Variants in TSPAN2 observed in about 807,000 individuals in gnomAD.
TSPAN2 encodes the protein tetraspanin-2.
TSPAN2 carries 24 observed loss-of-function variants against 33.3 expected under a neutral mutation model. The observed-to-expected ratio is 0.72, with a 90% CI of 0.52 to 1.01. TSPAN2 has a LOEUF of 1.01. Among genes scored for constraint, TSPAN2 ranks in the 50% least tolerant of loss-of-function variants. The pLI is 0.00. For synonymous variants in TSPAN2, 114 were observed against 104.5 expected (o/e 1.09, Z -0.56); for missense variants, 278 against 281.3 (o/e 0.99, Z 0.08).
chr1:115,057,462 G>T, intron 6 of TSPAN2, 75 bp downstream of exon 6: 1 of 1,417,172 alleles, frequency 7.1e-7, no homozygotes, highest in Non-Finnish European at 1.0e-6. Context: ...TCCCATCCGA[G>T]ATTCTACCTT....
At chr1:115,053,336 GC>G in intron 7 of TSPAN2, 42 bp downstream of exon 7, 1 of 1,553,686 alleles carries the variant, frequency 6.4e-7, no homozygotes, top group South Asian at 1.1e-5. Context: ...AAGTTTCAAG[GC>G]TTTTTAGAGG....
intron 7 of TSPAN2, 99 bp from the exon 8 acceptor site, chr1:115,050,654 A>C (rs1675290330): frequency 4.5e-6 from 4 of 891,598 alleles, no homozygotes; most frequent in Non-Finnish European, 7.3e-6. Flanking sequence ...TTAACAAATA[A>C]TTATAACCAA....
chr1:115,079,321 T>G (rs1180270592), intron 1 of TSPAN2, among the ~76,000 whole-genome samples: 1 of 152,226 alleles, frequency 6.6e-6, no homozygotes, highest in East Asian at 1.9e-4. Context: ...CATTAAATGC[T>G]TTTAAGCTAA....
At chr1:115,051,135 C>A (rs1179304578) in intron 7 of TSPAN2, among the ~76,000 whole-genome samples, 1 of 151,986 alleles carries the variant, frequency 6.6e-6, no homozygotes, top group Non-Finnish European at 1.5e-5. Flanking sequence ...CATGGTGAAA[C>A]CCTGTCACTA....
At chr1:115,071,204 G>T (rs1015063348) in intron 2 of TSPAN2, among the ~76,000 whole-genome samples, 1 of 152,162 alleles carries the variant, frequency 6.6e-6, no homozygotes, top group Non-Finnish European at 1.5e-5. Context: ...TCCAATCATA[G>T]TAATTCGCTT....
chr1:115,048,600 AG>A lies in TSPAN2; in HGVS notation c.*1889del, dbSNP rs1675225743. On this transcript the variant is annotated 3_prime_UTR_variant, in exon 8 of 8. Coordinates refer to ENST00000369516, the MANE Select transcript of TSPAN2 (RefSeq NM_005725.6). ...AAACTAAACTCACTTTTGTGGAATCAGAGATGATTCTGAGTTGGAAAGAACC... is the reference window on the plus strand; with the variant it reads ...AAACTAAACTCACTTTTGTGGAATCAAGATGATTCTGAGTTGGAAAGAACC... 1 of 152,024 alleles carries A rather than the reference AG, an allele frequency of 6.6e-6. No individual in the cohort carries two copies. The allele number at this position is 152,024 out of a possible 1,614,324, so 9.4% of individuals were successfully genotyped here.
chr1:115,089,316 G>GCCCCCCGC, intron 1 of TSPAN2, 48 bp downstream of exon 1: 1 of 1,012,910 alleles, frequency 9.9e-7, no homozygotes, highest in Non-Finnish European at 1.4e-6. Context: ...CCCCGCGCCC[G>GCCCCCCGC]CCACCCGGCC....
chr1:115,064,916 A>G (rs535896029), intron 2 of TSPAN2, among the ~76,000 whole-genome samples: 6 of 152,334 alleles, frequency 3.9e-5, no homozygotes, highest in Admixed American at 3.3e-4. Flanking sequence ...TCCCCACTGT[A>G]AATGAAACTG....
intron 7 of TSPAN2, among the ~76,000 whole-genome samples, chr1:115,052,891 G>A (rs1647237858): frequency 6.6e-6 from 1 of 152,178 alleles, no homozygotes; most frequent in South Asian, 2.1e-4. Flanking sequence ...CGAGGAAATT[G>A]AGGTATAGAA....
At chr1:115,055,715 T>A (rs1363259639) in intron 6 of TSPAN2, among the ~76,000 whole-genome samples, 2 of 152,030 alleles carry the variant, frequency 1.3e-5, no homozygotes, top group African/African-American at 4.8e-5. Context: ...GTAGACGGGA[T>A]TTCACCATGT....
intron 1 of TSPAN2, among the ~76,000 whole-genome samples, chr1:115,080,226 G>A (rs1374179563): frequency 1.3e-5 from 2 of 152,172 alleles, no homozygotes; most frequent in East Asian, 3.8e-4. Flanking sequence ...ACAGGGAGAA[G>A]GAGAAGGAGA....
At chr1:115,062,109 A>G (rs1047009850) in intron 3 of TSPAN2, 26 bp downstream of exon 3, 2 of 1,072,562 alleles carry the variant, frequency 1.9e-6, no homozygotes, top group Non-Finnish European at 1.3e-6. Context: ...CCCCCACCCC[A>G]CCATTTACCC....
chr1:115,067,061 T>A (rs1184300681), intron 2 of TSPAN2, among the ~76,000 whole-genome samples: 1 of 152,204 alleles, frequency 6.6e-6, no homozygotes, highest in Non-Finnish European at 1.5e-5. Flanking sequence ...TGTTCATATT[T>A]CACAGCTGAA....
intron 7 of TSPAN2, 118 bp downstream of exon 7, chr1:115,053,261 G>A (rs964714755): frequency 1.6e-5 from 13 of 810,052 alleles, no homozygotes; most frequent in Non-Finnish European, 2.4e-5. Context: ...TGTGAACAAA[G>A]GTCTTTTTTC....
chr1:115,053,024 T>C (rs1356635228), intron 7 of TSPAN2, among the ~76,000 whole-genome samples: 2 of 152,188 alleles, frequency 1.3e-5, no homozygotes, highest in Non-Finnish European at 2.9e-5. Flanking sequence ...CTTCAAATCG[T>C]AGGTGAGAGA....
At chr1:115,066,485 T>C (rs1647955856) in intron 2 of TSPAN2, among the ~76,000 whole-genome samples, 1 of 152,232 alleles carries the variant, frequency 6.6e-6, no homozygotes, top group South Asian at 2.1e-4. Flanking sequence ...CATCACTCTT[T>C]TCTTAGGTTT....
chr1:115,074,187 A>G (rs1282039902), intron 1 of TSPAN2, among the ~76,000 whole-genome samples: 1 of 152,200 alleles, frequency 6.6e-6, no homozygotes, highest in Non-Finnish European at 1.5e-5. Context: ...GATGGAAATC[A>G]GAGAAGCAGA....
rs202132434 is a variant in TSPAN2, at chr1:115,079,137, C to CCACACACACACA, written c.70-6142_70-6131dup. Among the ~76,000 whole-genome samples, 833 of 146,802 alleles carry CCACACACACACA rather than the reference C, an allele frequency of 5.7e-3. 5 individuals carry two copies. Among genetic ancestry groups the CCACACACACACA allele is most frequent in the African/African-American group, 6.2e-3 (245 of 39,656 alleles). Reference sequence around the variant, plus strand: ...ATATGAACACAATACAATTATAGCGCCACACACACACACACACACACACAC... The same window carrying CCACACACACACA: ...ATATGAACACAATACAATTATAGCGCCACACACACACACACACACACACACACACACACACAC... On this transcript the variant is annotated intron_variant, in intron 1 of 7. Transcript: ENST00000369516.
At chr1:115,058,623 G>A (rs1000645824) in intron 5 of TSPAN2, among the ~76,000 whole-genome samples, 3 of 152,174 alleles carry the variant, frequency 2.0e-5, no homozygotes, top group African/African-American at 7.2e-5. Flanking sequence ...AACCTTGTTT[G>A]TGCTCTTTTG....
Sources: gnomAD v4.1 joint callset for allele counts (sites outside exome capture counted in the v4.1 genomes callset) on GRCh38, gnomAD v4.1.1 for gene constraint, MANE v1.5 for transcripts, NCBI Gene and HGNC (gene_info 2026-07-23, HGNC 2026-07-21) for gene names.